Variants in UMOD observed in about 807,000 individuals in gnomAD.
UMOD encodes the protein uromodulin, also known as Tamm-Horsfall urinary glycoprotein.
In UMOD, 64 loss-of-function variants were observed where a neutral mutation model predicts 66.0. The observed-to-expected ratio is 0.97, with a 90% CI of 0.79 to 1.19. The LOEUF is 1.19. UMOD is among the 50% of genes most tolerant of loss of function. The probability of loss-of-function intolerance (pLI) is 0.00; values close to 1 mark genes in which losing one functional copy is unlikely to be tolerated. For synonymous variants in UMOD, 398 were observed against 352.7 expected (o/e 1.13, Z -1.44); for missense variants, 764 against 850.9 (o/e 0.90, Z 1.27).
At chr16:20,333,629 T>C (rs543306669) in intron 10 of UMOD, among the ~76,000 whole-genome samples, 1 of 152,272 alleles carries the variant, frequency 6.6e-6, no homozygotes, top group East Asian at 1.9e-4. Flanking sequence ...GCCCAATCTA[T>C]CCAACCATCC....
At position 20,343,129 on chromosome 16, in the gene UMOD, C is replaced by CAATAAATAAATA. The variant is rs147846395; in HGVS notation, c.1331+883_1331+894dup. ...TGGGCGACAGTACGAGACTCCGTCT[C>CAATAAATAAATA]AATAAATAAATAAATAAATAAATAA... is the stretch of plus-strand genomic sequence containing the variant. On this transcript the variant is annotated intron_variant, in intron 6 of 10. Coordinates refer to ENST00000396138, the MANE Select transcript of UMOD (RefSeq NM_003361.4). 6.2e-3 allele frequency among the ~76,000 whole-genome samples: 716 copies of CAATAAATAAATA among 115,910 alleles called. 5 individuals are homozygous for CAATAAATAAATA. The highest frequency in any genetic ancestry group is 0.015 in the African/African-American group (552 of 36,648). The allele number at this position is 115,910 out of a possible 152,430, so 76.0% of individuals were successfully genotyped here. A position where few individuals can be genotyped will look rare whatever the true frequency, so the allele number is the denominator to read the frequency against.
At chr16:20,349,738 C>A (rs958391449) in intron 2 of UMOD, 12 of 1,536,158 alleles carry the variant, frequency 7.8e-6, no homozygotes, top group Non-Finnish European at 1.1e-5. Flanking sequence ...ACCTGTTGCC[C>A]CTCCCTTTCT....
At chr16:20,336,856 T>G (rs1326490484) in intron 8 of UMOD, 129 bp from the exon 9 acceptor site, 2 of 780,672 alleles carry the variant, frequency 2.6e-6, no homozygotes, top group East Asian at 5.4e-5. Context: ...AGGAGACCTG[T>G]ATACCGGGGC....
In UMOD at chr16:20,333,170, G is replaced by T; in HGVS notation, c.*144C>A. 1.2e-6 allele frequency: 1 copy of T among 865,992 alleles called. No homozygotes were observed. The highest frequency in any genetic ancestry group is 1.9e-6 in the Non-Finnish European group (1 of 528,714). The allele number at this position is 865,992 out of a possible 1,614,324, so 53.6% of individuals were successfully genotyped here. ...TAAAGACACAGGCTGTTTCTCGACA[G>T]CCAGGATTAAAAGGGAGAAAAGAAG... is the stretch of plus-strand genomic sequence containing the variant. On this transcript the variant is annotated 3_prime_UTR_variant, in exon 11 of 11. Transcript: ENST00000396138.
At chr16:20,351,261 A>G (rs552808892) in intron 1 of UMOD, 1 of 205,580 alleles carries the variant, frequency 4.9e-6, no homozygotes, top group Non-Finnish European at 1.0e-5. Flanking sequence ...GCTAGTCACC[A>G]TGGAGAACAA....
At chr16:20,339,573 T>A (rs867737218) in intron 7 of UMOD, among the ~76,000 whole-genome samples, 3 of 152,236 alleles carry the variant, frequency 2.0e-5, no homozygotes, top group Non-Finnish European at 4.4e-5. Flanking sequence ...CAAAGACGTG[T>A]GAACATCACA....
intron 5 of UMOD, among the ~76,000 whole-genome samples, chr16:20,344,822 G>C (rs1965452945): frequency 6.6e-6 from 1 of 152,134 alleles, no homozygotes; most frequent in Non-Finnish European, 1.5e-5. Context: ...CCACATCCCT[G>C]CTTCCCAGAC....
intron 1 of UMOD, among the ~76,000 whole-genome samples, chr16:20,352,365 G>A (rs1281722015): frequency 6.6e-6 from 1 of 152,066 alleles, no homozygotes; most frequent in Non-Finnish European, 1.5e-5. Flanking sequence ...TATTGTCACT[G>A]GGATTAACTA....
intron 2 of UMOD, among the ~76,000 whole-genome samples, chr16:20,350,390 C>T (rs374387491): frequency 1.3e-4 from 20 of 152,242 alleles, no homozygotes; most frequent in South Asian, 8.3e-4. Flanking sequence ...GTATGAGCAT[C>T]GCCTGGAAGC....
chr16:20,335,456 C>A, intron 10 of UMOD, 26 bp downstream of exon 10: 1 of 1,613,162 alleles, frequency 6.2e-7, no homozygotes, highest in Non-Finnish European at 8.5e-7. Flanking sequence ...GGAACAGGTC[C>A]CACTGCAGAA....
At chr16:20,349,282 C>T (rs961389184) in intron 2 of UMOD, 70 bp from the exon 3 acceptor site, 126 of 1,517,742 alleles carry the variant, frequency 8.3e-5, no homozygotes, top group South Asian at 5.2e-4. Context: ...ATCCTTCCCT[C>T]ATTCTCCAGG....
At chr16:20,339,141 A>T (rs1008504095) in intron 7 of UMOD, among the ~76,000 whole-genome samples, 3 of 152,238 alleles carry the variant, frequency 2.0e-5, no homozygotes, top group Admixed American at 2.0e-4. Flanking sequence ...AGAAAAACCC[A>T]GAGAGATGAG....
chr16:20,335,355 T>C, intron 10 of UMOD, 127 bp downstream of exon 10: 1 of 942,930 alleles, frequency 1.1e-6, no homozygotes, highest in South Asian at 1.4e-5. Flanking sequence ...GCCACTCTCC[T>C]TATTTAGAAA....
chr16:20,347,035 A>T lies in UMOD; in HGVS notation c.974-701T>A, dbSNP rs77225526. 7.1e-3 allele frequency among the ~76,000 whole-genome samples: 1,069 copies of T among 150,742 alleles called. 12 individuals carry two copies. The highest frequency in any genetic ancestry group is 0.025 in the African/African-American group (1,015 of 41,250). ...CTTCCCTCTCTCTCTCTTTTTTTTG[A>T]GACGGAGTTTCTCTCTTCGGCGACA... On this transcript the variant is annotated intron_variant, in intron 4 of 10. Transcript: ENST00000396138.
intron 4 of UMOD, 151 bp downstream of exon 4, chr16:20,348,072 G>C: frequency 2.7e-6 from 2 of 754,692 alleles, no homozygotes; most frequent in Non-Finnish European, 4.7e-6. Context: ...CGGCTTTAAT[G>C]GGTATTAGTG....
In UMOD at chr16:20,348,345, GGACA is replaced by G; in HGVS notation, c.866-19_866-16del. On this transcript the variant is annotated splice_polypyrimidine_tract_variant and intron_variant, in intron 3 of 10. Coordinates refer to ENST00000396138, the MANE Select transcript of UMOD (RefSeq NM_003361.4). ...GGAGCTGGGGTCTGCAGGGTCACAG[GGACA>G]GACAGACAATCAATAAGGACGCACC... is the stretch of plus-strand genomic sequence containing the variant. 3.7e-6 allele frequency: 6 copies of G among 1,614,194 alleles called. No individual in the cohort carries two copies. The highest frequency in any genetic ancestry group is 5.1e-6 in the Non-Finnish European group (6 of 1,180,030).
At chr16:20,351,104 C>T (rs1567313186) in intron 1 of UMOD, 1 of 352,580 alleles carries the variant, frequency 2.8e-6, no homozygotes, top group East Asian at 7.1e-5. Flanking sequence ...AGGAAGTAGC[C>T]AGATGGAATA....
intron 5 of UMOD, among the ~76,000 whole-genome samples, chr16:20,345,453 CCTTT>C (rs1374826515): frequency 1.1e-4 from 6 of 53,520 alleles, no homozygotes; most frequent in South Asian, 6.5e-4. Flanking sequence ...TTCCTTTCTT[CCTTT>C]CTTTCCTTCC....
chr16:20,355,817 G>A (rs1283781479), upstream of UMOD, among the ~76,000 whole-genome samples: 1 of 152,102 alleles, frequency 6.6e-6, no homozygotes, highest in Non-Finnish European at 1.5e-5. Context: ...CAGTGCTTTT[G>A]CCTCCATTGT....
Sources: allele counts gnomAD v4.1 joint callset (sites outside exome capture counted in the v4.1 genomes callset), GRCh38; gene constraint gnomAD v4.1.1; transcripts MANE v1.5; gene names NCBI Gene and HGNC (gene_info 2026-07-23, HGNC 2026-07-21).